The following PAWR variants were observed in gnomAD, a reference collection of about 807,000 sequenced individuals.
PAWR encodes pro-apoptotic WT1 regulator.
PAWR carries 23 observed loss-of-function variants against 32.0 expected under a neutral mutation model. The observed-to-expected ratio is 0.72, with a 90% CI of 0.52 to 1.02. The LOEUF (loss-of-function observed/expected upper bound fraction) is 1.02, where lower values mean the gene tolerates loss of function less well. Ranked by LOEUF, PAWR falls within the 50% of genes least tolerant of loss-of-function variation. The probability of loss-of-function intolerance (pLI) is 0.00; values close to 1 mark genes in which losing one functional copy is unlikely to be tolerated. For missense variants in PAWR, 457 were observed against 437.7 expected (o/e 1.04, Z -0.39); for synonymous variants, 226 against 187.1 (o/e 1.21, Z -1.70).
At chr12:79,596,423 T>C in intron 5 of PAWR, 88 bp downstream of exon 5, 1 of 657,228 alleles carries the variant, frequency 1.5e-6, no homozygotes, top group Non-Finnish European at 2.5e-6. Context: ...TAAGGAATAT[T>C]ATTTCCTTTC....
intron 2 of PAWR, among the ~76,000 whole-genome samples, chr12:79,626,571 T>G (rs1875335894): frequency 6.6e-6 from 1 of 151,184 alleles, no homozygotes; most frequent in South Asian, 2.1e-4. Context: ...ATGACAACTT[T>G]TTTTTTCCTT....
chr12:79,626,163 TAA>T lies in PAWR; in HGVS notation c.517-4958_517-4957del, dbSNP rs565157190. Among the ~76,000 whole-genome samples the T allele has an allele frequency of 8.4e-3, 691 of 82,138 alleles. 4 individuals are homozygous for T. Among genetic ancestry groups the T allele is most frequent in the Non-Finnish European group, 0.013 (505 of 38,252 alleles). 53.9% of individuals were successfully genotyped at this position (82,138 alleles called of 152,430 possible). On this transcript the variant is annotated intron_variant, in intron 2 of 6. Coordinates refer to ENST00000328827, the MANE Select transcript of PAWR (RefSeq NM_002583.4). ...TGGGCTACAGAGTGAGACTCCATCT[TAA>T]AAAAAAAAAAAAAAAAAAAAGAATA...
chr12:79,597,607 A>G (rs1873811278), intron 4 of PAWR, among the ~76,000 whole-genome samples: 1 of 152,232 alleles, frequency 6.6e-6, no homozygotes, highest in South Asian at 2.1e-4. Context: ...CATACAGGCA[A>G]TCAATACAGA....
At chr12:79,620,990 T>C (rs2136715484) in intron 3 of PAWR, 86 bp downstream of exon 3, 1 of 943,474 alleles carries the variant, frequency 1.1e-6, no homozygotes, top group Non-Finnish European at 1.6e-6. Context: ...CAATGGGAGA[T>C]ATATTACTAC....
intron 4 of PAWR, chr12:79,597,844 G>A (rs1399786264): frequency 6.6e-6 from 1 of 152,148 alleles, no homozygotes; most frequent in African/African-American, 2.4e-5. Context: ...AGTTTCCGTT[G>A]GTCAGGAATT....
intron 2 of PAWR, among the ~76,000 whole-genome samples, chr12:79,653,838 C>A (rs1209518192): frequency 6.6e-6 from 1 of 152,174 alleles, no homozygotes; most frequent in East Asian, 1.9e-4. Flanking sequence ...AATTCAAATT[C>A]TTTTTTTAGA....
intron 2 of PAWR, among the ~76,000 whole-genome samples, chr12:79,683,551 C>G (rs528317753): frequency 4.2e-4 from 64 of 151,098 alleles, no homozygotes; most frequent in Middle Eastern, 3.5e-3. Context: ...CCAGAAACAT[C>G]TTTTAGGACA....
rs192952304 is a variant in PAWR at position 79,676,131 on chromosome 12, T to G, written c.516+13598A>C. ...TGCTTTGCTTTCCTCACCTGTAAAA[T>G]AGAAATAATAATAATAATAGCAGTG... On this transcript the variant is annotated intron_variant, in intron 2 of 6. Coordinates refer to ENST00000328827, the MANE Select transcript of PAWR (RefSeq NM_002583.4). Among the ~76,000 whole-genome samples the G allele has an allele frequency of 2.0e-5, 3 of 152,004 alleles. No homozygotes were observed. In the East Asian group the frequency reaches 5.8e-4, roughly 29 times the overall value.
At chr12:79,690,793 C>T (rs1012672118) in intron 1 of PAWR, 79 bp downstream of exon 1, 1 of 152,468 alleles carries the variant, frequency 6.6e-6, no homozygotes, top group South Asian at 2.1e-4. Flanking sequence ...CGCGGAGCTC[C>T]TAGCCGGTTC....
Position 79,588,449 on chromosome 12 carries a change from T to C in PAWR, c.*4158A>G, listed in dbSNP as rs1274270450. On this transcript the variant is annotated 3_prime_UTR_variant, in exon 7 of 7. Transcript: ENST00000328827. The stretch of plus-strand genomic sequence containing the variant: ...AAAAAATGGTAGATATTTCCCAGTA[T>C]GCATCAGTTTTTTCACTCCACCATT... 1 of 151,994 alleles carries C rather than the reference T, an allele frequency of 6.6e-6. No individual in the cohort carries two copies. Among genetic ancestry groups the C allele is most frequent in the African/African-American group, 2.4e-5 (1 of 41,438 alleles). 9.4% of individuals were successfully genotyped at this position (151,994 alleles called of 1,614,324 possible).
chr12:79,646,704 G>C (rs996452299), intron 2 of PAWR, among the ~76,000 whole-genome samples: 12 of 152,290 alleles, frequency 7.9e-5, no homozygotes, highest in Admixed American at 1.3e-4. Context: ...GATCTTTTAA[G>C]AGATGCCTGA....
intron 4 of PAWR, among the ~76,000 whole-genome samples, chr12:79,607,416 T>C (rs960239053): frequency 9.2e-5 from 14 of 152,148 alleles, no homozygotes; most frequent in African/African-American, 2.7e-4. Context: ...TAGTTTGGAT[T>C]TCCCACCGTT....
At chr12:79,642,832 A>G (rs150448004) in intron 2 of PAWR, among the ~76,000 whole-genome samples, 28 of 152,310 alleles carry the variant, frequency 1.8e-4, no homozygotes, top group African/African-American at 6.0e-4. Context: ...GGAACCTGGA[A>G]TGCAAAACAT....
Position 79,586,717 on chromosome 12 carries a change from T to G in PAWR, c.*5890A>C, listed in dbSNP as rs754838821. On this transcript the variant is annotated 3_prime_UTR_variant, in exon 7 of 7. Transcript: ENST00000328827. ...TACTGTTTTCATGTTGTTCAACTAT[T>G]TGACACAAAAGGAGCTTTTTCCTTT... is the stretch of plus-strand genomic sequence containing the variant. 6.6e-6 allele frequency: 1 copy of G among 152,206 alleles called. No homozygotes were observed. Among genetic ancestry groups the G allele is most frequent in the African/African-American group, 2.4e-5 (1 of 41,468 alleles). 9.4% of individuals were successfully genotyped at this position (152,206 alleles called of 1,614,324 possible).
At chr12:79,613,637 G>A in intron 3 of PAWR, 28 bp from the exon 4 acceptor site, 1 of 1,349,570 alleles carries the variant, frequency 7.4e-7, no homozygotes, top group Admixed American at 1.7e-5. Flanking sequence ...TTATGTATCA[G>A]TTTGAGTATG....
chr12:79,597,382 T>G (rs1362063708), intron 4 of PAWR, among the ~76,000 whole-genome samples: 3 of 152,156 alleles, frequency 2.0e-5, no homozygotes, highest in Non-Finnish European at 4.4e-5. Context: ...CCAGACTATG[T>G]GTGGTGAAAA....
intron 2 of PAWR, chr12:79,632,155 A>T (rs1269283633): frequency 6.8e-6 from 1 of 146,210 alleles, no homozygotes; most frequent in African/African-American, 2.5e-5. Context: ...AAAAAAATAC[A>T]ACAACAACAA....
rs1469411725 is a variant in PAWR, at chr12:79,588,628, A to G, written c.*3979T>C. On this transcript the variant is annotated 3_prime_UTR_variant, in exon 7 of 7. Coordinates refer to ENST00000328827, the MANE Select transcript of PAWR (RefSeq NM_002583.4). ...TTTGTGCTACTGACATGCACTATAT[A>G]GATCGTACACTACTAGATGGAAAGT... The G allele has an allele frequency of 1.3e-5, 2 of 152,012 alleles. No homozygotes were observed. The highest frequency in any genetic ancestry group is 2.9e-5 in the Non-Finnish European group (2 of 67,876). 9.4% of individuals were successfully genotyped at this position (152,012 alleles called of 1,614,324 possible). A position where few individuals can be genotyped will look rare whatever the true frequency, so the allele number is the denominator to read the frequency against.
At chr12:79,689,438 G>C (rs527725918) in intron 2 of PAWR, among the ~76,000 whole-genome samples, 1 of 152,282 alleles carries the variant, frequency 6.6e-6, no homozygotes, top group East Asian at 1.9e-4. Flanking sequence ...GTCCAGGTGG[G>C]CAAGTCCTGG....
Sources: gnomAD v4.1 joint callset for allele counts (sites outside exome capture counted in the v4.1 genomes callset) on GRCh38, gnomAD v4.1.1 for gene constraint, MANE v1.5 for transcripts, NCBI Gene and HGNC (gene_info 2026-07-23, HGNC 2026-07-21) for gene names.